KANK1: variants seen among roughly 807,000 people sequenced by gnomAD.
The protein encoded by KANK1 is KN motif and ankyrin repeat domains 1, also known as KN motif and ankyrin repeat domain-containing protein 1.
KANK1 carries 109 observed loss-of-function variants against 106.2 expected under a neutral mutation model. That is an observed-to-expected ratio of 1.03 (90% CI 0.88 to 1.20). The LOEUF (loss-of-function observed/expected upper bound fraction) is 1.20. KANK1 is among the 50% of genes most tolerant of loss of function. KANK1 has a pLI of 0.00. For missense variants in KANK1, 2,399 were observed against 1,710.7 expected, an observed-to-expected ratio of 1.40 and a Z score of -7.10; for synonymous variants, 873 against 652.2, an observed-to-expected ratio of 1.34 and a Z score of -5.16.
rs1233482200 is a variant in KANK1, at chr9:711,251, G to A, written c.485G>A (p.Arg162Gln). 9 of 1,614,070 alleles carry A rather than the reference G, an allele frequency of 5.6e-6. No individual in the cohort carries two copies. The highest frequency in any genetic ancestry group is 3.3e-5 in the South Asian group (3 of 91,068). Residue 162 changes from arginine (R) to glutamine (Q), a missense_variant, in exon 3 of 12, where the codon CGG (arginine) becomes CAG (glutamine). Physicochemically the swap from Arg to Gln is conservative, Grantham distance 43. Transcript: ENST00000382297. ...LHVTKTLMET[R>Q]RRLEQERATM... ...GTCACCAAGACACTGATGGAGACCC[G>A]GAGAAGACTGGAACAGGAGAGAGCC...
chr9:565,454 A>C (rs1015711888), intron 1 of KANK1, among the ~76,000 whole-genome samples: 8 of 152,232 alleles, frequency 5.3e-5, no homozygotes, highest in African/African-American at 1.7e-4. Flanking sequence ...GCAGTAAAGA[A>C]AGAGTTTAAT....
intron 2 of KANK1, among the ~76,000 whole-genome samples, chr9:689,141 A>G (rs955863607): frequency 1.3e-5 from 2 of 152,152 alleles, no homozygotes; most frequent in Admixed American, 6.5e-5. Context: ...GGATGAAAAT[A>G]TATTATGAGA....
chr9:508,937 G>A (rs572656337), intron 1 of KANK1, among the ~76,000 whole-genome samples: 2 of 152,236 alleles, frequency 1.3e-5, no homozygotes, highest in South Asian at 2.1e-4. Context: ...GAATTTCCCA[G>A]TTCCAAACTA....
chr9:628,696 CA>C (rs1834946242), intron 1 of KANK1, among the ~76,000 whole-genome samples: 1 of 152,086 alleles, frequency 6.6e-6, no homozygotes, highest in Admixed American at 6.5e-5. Context: ...TTGAAACATC[CA>C]AGGCTCTTTG....
intron 2 of KANK1, among the ~76,000 whole-genome samples, chr9:695,481 C>T (rs1217519040): frequency 6.6e-6 from 1 of 150,964 alleles, no homozygotes; most frequent in East Asian, 1.9e-4. Flanking sequence ...ACACACATCC[C>T]CTACAGCTCC....
At chr9:683,927 T>C (rs976288800) in intron 2 of KANK1, among the ~76,000 whole-genome samples, 12 of 152,334 alleles carry the variant, frequency 7.9e-5, no homozygotes, top group Middle Eastern at 6.8e-3. Context: ...CTTATAGTGG[T>C]GGTGTTTGAG....
chr9:745,038 T>A lies in KANK1; in HGVS notation c.3997-135T>A, dbSNP rs66917414. The stretch of plus-strand genomic sequence containing the variant: ...GGAGCTGTGGACACCTGTTCCCTGT[T>A]CTCAGCCAGAGCTCTCCTGGCTCGG... On this transcript the variant is annotated intron_variant, in intron 11 of 11. Transcript: ENST00000382297. 23,796 of 1,517,178 alleles carry A rather than the reference T, an allele frequency of 0.016. 774 individuals are homozygous for A. Among genetic ancestry groups the A allele is most frequent in the African/African-American group, 0.13 (9,279 of 71,832 alleles). 94.0% of individuals were successfully genotyped at this position (1,517,178 alleles called of 1,614,324 possible). A position where few individuals can be genotyped will look rare whatever the true frequency, so the allele number is the denominator to read the frequency against.
intron 2 of KANK1, among the ~76,000 whole-genome samples, chr9:678,268 C>G (rs1177006308): frequency 1.3e-5 from 2 of 152,134 alleles, no homozygotes; most frequent in African/African-American, 4.8e-5. Flanking sequence ...ATGATAATAT[C>G]TAACATTCAT....
intron 1 of KANK1, among the ~76,000 whole-genome samples, chr9:666,936 T>C (rs1421045273): frequency 1.4e-5 from 2 of 141,996 alleles, no homozygotes; most frequent in African/African-American, 2.6e-5. Context: ...GGTGGCCTTA[T>C]CTGGTTTTGG....
chr9:650,719 A>G (rs1431929639), intron 1 of KANK1, among the ~76,000 whole-genome samples: 1 of 152,052 alleles, frequency 6.6e-6, no homozygotes, highest in Admixed American at 6.5e-5. Flanking sequence ...GTAAAGCTTA[A>G]GTATTGTCCC....
chr9:630,444 G>A (rs966290226), intron 1 of KANK1, among the ~76,000 whole-genome samples: 15 of 151,726 alleles, frequency 9.9e-5, no homozygotes, highest in Admixed American at 7.9e-4. Context: ...CCAGCTACTC[G>A]GGAGGCTGAG....
rs978158866 is a variant in KANK1 at position 605,620 on chromosome 9, T to TG, written c.-83-71268dup. Reference sequence around the variant, plus strand: ...TTTCCTGTAATCTCTTCTGTACAGGTGGAGAGGTAGCAAGAGACCCAAATG... The same window carrying TG: ...TTTCCTGTAATCTCTTCTGTACAGGTGGGAGAGGTAGCAAGAGACCCAAATG... On this transcript the variant is annotated intron_variant, in intron 1 of 11. Transcript: ENST00000382297. Among the ~76,000 whole-genome samples the TG allele has an allele frequency of 1.6e-4, 25 of 151,554 alleles. 1 individual carries two copies. Among genetic ancestry groups the TG allele is most frequent in the African/African-American group, 6.1e-4 (25 of 41,068 alleles).
In KANK1 at chr9:713,075, A is replaced by G. The variant is rs755580165; in HGVS notation, c.2309A>G (p.Tyr770Cys). 2.5e-6 allele frequency: 4 copies of G among 1,613,812 alleles called. No homozygotes were observed. The highest frequency in any genetic ancestry group is 3.4e-6 in the Non-Finnish European group (4 of 1,179,782). Residue 770 changes from tyrosine (Y) to cysteine (C), a missense_variant, in exon 3 of 12, where the codon TAT becomes TGT. Tyr to Cys is a radical substitution (Grantham distance 194). Transcript: ENST00000382297. ...GVGQININDN[Y>C]LVGLKMRTIA... Reference sequence around the variant, plus strand: ...GGGCAGATAAATATTAACGACAACTATCTGGTTGGTCTCAAAATGAGGACT... The same window carrying G: ...GGGCAGATAAATATTAACGACAACTGTCTGGTTGGTCTCAAAATGAGGACT...
intron 1 of KANK1, among the ~76,000 whole-genome samples, chr9:641,572 G>A (rs1028093224): frequency 6.6e-6 from 1 of 152,204 alleles, no homozygotes; most frequent in Non-Finnish European, 1.5e-5. Context: ...ACCCTGTACT[G>A]AAGAAACTCG....
chr9:544,530 G>A (rs1194039905), intron 1 of KANK1, among the ~76,000 whole-genome samples: 2 of 152,172 alleles, frequency 1.3e-5, no homozygotes, highest in Admixed American at 1.3e-4. Context: ...ACTATGTGGA[G>A]GAATAAGTGA....
At chr9:548,138 T>G (rs1250245254) in intron 1 of KANK1, among the ~76,000 whole-genome samples, 1 of 152,230 alleles carries the variant, frequency 6.6e-6, no homozygotes, top group Admixed American at 6.5e-5. Flanking sequence ...AAAAAATTCC[T>G]TAGGATTTCT....
chr9:572,520 C>T (rs1480378265), intron 1 of KANK1, among the ~76,000 whole-genome samples: 1 of 151,860 alleles, frequency 6.6e-6, no homozygotes, highest in Non-Finnish European at 1.5e-5. Flanking sequence ...CCACTGCACT[C>T]CAGCATGAGT....
chr9:511,612 G>C (rs2059029350), intron 1 of KANK1, among the ~76,000 whole-genome samples: 1 of 152,022 alleles, frequency 6.6e-6, no homozygotes, highest in Non-Finnish European at 1.5e-5. Context: ...AAGGGTGGTT[G>C]GTATACAGTA....
chr9:473,041 G>T (rs1479774321), intron 2 of KANK1, among the ~76,000 whole-genome samples: 1 of 152,216 alleles, frequency 6.6e-6, no homozygotes, highest in Non-Finnish European at 1.5e-5. Context: ...CTAAGGCCTG[G>T]GTTGAGATTT....
Sources: gnomAD v4.1 joint callset for allele counts (sites outside exome capture counted in the v4.1 genomes callset) on GRCh38, gnomAD v4.1.1 for gene constraint, MANE v1.5 for transcripts, NCBI Gene and HGNC (gene_info 2026-07-23, HGNC 2026-07-21) for gene names.